CACNA2D3: variants seen among roughly 807,000 people sequenced by gnomAD.
CACNA2D3 encodes the protein voltage-dependent calcium channel subunit alpha-2/delta-3.
Under a neutral mutation model 160.6 loss-of-function variants are expected in CACNA2D3, and 60 were observed. That is an observed-to-expected ratio of 0.37 (90% CI 0.30 to 0.46). The LOEUF is 0.46. CACNA2D3 is among the 20% of genes least tolerant of loss of function. The pLI is 1.00. For synonymous variants in CACNA2D3, 558 were observed against 492.9 expected, an observed-to-expected ratio of 1.13 and a Z score of -1.75; for missense variants, 1,205 against 1,365.0, an observed-to-expected ratio of 0.88 and a Z score of 1.85.
At chr3:54,373,462 T>C (rs1698959782) in intron 3 of CACNA2D3, among the ~76,000 whole-genome samples, 1 of 152,208 alleles carries the variant, frequency 6.6e-6, no homozygotes, top group African/African-American at 2.4e-5. Context: ...GTTTTAAATA[T>C]ATACATTTCA....
In CACNA2D3 at chr3:54,241,577, A is replaced by G. The variant is rs1231609828; in HGVS notation, c.205-78865A>G. ...CTGGAGACCAATTTGGGTATGCCCA[A>G]TTCAAATTGCACGCAAGAGACTTGG... On this transcript the variant is annotated intron_variant, in intron 2 of 37. Coordinates refer to ENST00000474759, the MANE Select transcript of CACNA2D3 (RefSeq NM_018398.3). 2.6e-5 allele frequency among the ~76,000 whole-genome samples: 4 copies of G among 152,220 alleles called. No homozygotes were observed. The South Asian group carries it at 8.3e-4, about 31-fold the overall frequency.
intron 32 of CACNA2D3, among the ~76,000 whole-genome samples, chr3:55,007,159 A>T (rs947844858): frequency 2.0e-5 from 3 of 152,216 alleles, no homozygotes; most frequent in Non-Finnish European, 4.4e-5. Context: ...TTTTAATTAA[A>T]ATATTCTGAA....
intron 10 of CACNA2D3, chr3:54,638,152 T>C (rs1016103676): frequency 2.0e-5 from 3 of 151,990 alleles, no homozygotes; most frequent in Admixed American, 2.0e-4. Context: ...TTTGGAGTTT[T>C]ATTTAATGTC....
intron 35 of CACNA2D3, among the ~76,000 whole-genome samples, chr3:55,042,153 T>A (rs1703972062): frequency 1.3e-5 from 2 of 152,200 alleles, no homozygotes; most frequent in East Asian, 3.8e-4. Context: ...TCTATAAATG[T>A]GAATTAGGTC....
At chr3:54,524,634 G>A (rs1575503030) in intron 5 of CACNA2D3, among the ~76,000 whole-genome samples, 1 of 151,950 alleles carries the variant, frequency 6.6e-6, no homozygotes, top group South Asian at 2.1e-4. Context: ...TTTCATCTCT[G>A]TCAGTTTTTA....
intron 12 of CACNA2D3, among the ~76,000 whole-genome samples, chr3:54,762,817 C>T (rs190032773): frequency 1.3e-5 from 2 of 152,288 alleles, no homozygotes; most frequent in Admixed American, 6.5e-5. Context: ...CCTGGCTGGG[C>T]GTGGTGGCTC....
intron 2 of CACNA2D3, among the ~76,000 whole-genome samples, chr3:54,246,960 G>A (rs1360411347): frequency 6.6e-6 from 1 of 152,144 alleles, no homozygotes. Context: ...GGAAGAATGA[G>A]CAGACTAACA....
At chr3:54,246,560 GCGGC>G (rs1702083170) in intron 2 of CACNA2D3, among the ~76,000 whole-genome samples, 6 of 2,010 alleles carry the variant, frequency 3.0e-3, no homozygotes, top group African/African-American at 0.024. Flanking sequence ...GGGCGTGGTT[GCGGC>G]TGTCTGTAAT....
chr3:54,328,504 A>G (rs1704169330), intron 3 of CACNA2D3, among the ~76,000 whole-genome samples: 2 of 151,612 alleles, frequency 1.3e-5, no homozygotes, highest in South Asian at 2.1e-4. Context: ...CTGGTCTCGA[A>G]CTCCTGACCT....
chr3:54,688,980 A>AG, intron 11 of CACNA2D3, among the ~76,000 whole-genome samples: 1 of 13,280 alleles, frequency 7.5e-5, no homozygotes, highest in Non-Finnish European at 1.4e-4. Context: ...AGACTGTCTC[A>AG]AAAAAAAAAA....
Position 54,750,727 on chromosome 3 carries a change from A to T in CACNA2D3, c.1168-1872A>T, listed in dbSNP as rs543951872. 1.4e-4 allele frequency among the ~76,000 whole-genome samples: 22 copies of T among 151,920 alleles called. No individual in the cohort carries two copies. In the East Asian group the frequency reaches 2.9e-3, roughly 20 times the overall value. ...AGTGAACGGGGGTGCAGCTATATGA[A>T]GGAGGGTCAGTGGTAATCACTTTTG... On this transcript the variant is annotated intron_variant, in intron 11 of 37. Transcript: ENST00000474759.
intron 6 of CACNA2D3, among the ~76,000 whole-genome samples, chr3:54,567,688 A>G (rs973397942): frequency 1.3e-5 from 2 of 152,142 alleles, no homozygotes; most frequent in Non-Finnish European, 1.5e-5. Flanking sequence ...GGCGCCTGCC[A>G]CCACACCTGG....
chr3:54,132,788 A>G (rs1047015992), intron 2 of CACNA2D3, among the ~76,000 whole-genome samples: 1 of 152,176 alleles, frequency 6.6e-6, no homozygotes, highest in African/African-American at 2.4e-5. Context: ...GAGTGACGAC[A>G]ATCTGGGTTT....
At chr3:54,440,440 C>T (rs887560595) in intron 4 of CACNA2D3, among the ~76,000 whole-genome samples, 5 of 151,998 alleles carry the variant, frequency 3.3e-5, no homozygotes, top group Non-Finnish European at 7.4e-5. Context: ...GAATTGCAGA[C>T]TTTTCAAGGG....
chr3:54,918,278 C>A, intron 27 of CACNA2D3: 1 of 635,296 alleles, frequency 1.6e-6, no homozygotes, highest in Non-Finnish European at 2.7e-6. Context: ...TTTTAAAAAT[C>A]GCAACATAAA....
chr3:54,472,241 A>C (rs1040593500), intron 4 of CACNA2D3, among the ~76,000 whole-genome samples: 7 of 152,258 alleles, frequency 4.6e-5, no homozygotes. Flanking sequence ...GGCTGGTTCA[A>C]CATACACAAA....
chr3:54,485,715 C>A (rs1483831989), intron 4 of CACNA2D3, among the ~76,000 whole-genome samples: 3 of 152,140 alleles, frequency 2.0e-5, no homozygotes, highest in Non-Finnish European at 4.4e-5. Flanking sequence ...AGACGTGCAA[C>A]AGCACGCTTA....
intron 12 of CACNA2D3, among the ~76,000 whole-genome samples, chr3:54,762,546 C>T (rs1474343917): frequency 1.3e-5 from 2 of 152,186 alleles, no homozygotes; most frequent in South Asian, 2.1e-4. Context: ...CCTTGTTAAT[C>T]GCTGCTTCTT....
intron 31 of CACNA2D3, among the ~76,000 whole-genome samples, chr3:54,991,296 C>T (rs574286264): frequency 2.0e-5 from 3 of 150,482 alleles, no homozygotes; most frequent in East Asian, 3.9e-4. Context: ...AATCTCAGCT[C>T]ACTGCAACCA....
Sources: gnomAD v4.1 joint callset for allele counts (sites outside exome capture counted in the v4.1 genomes callset) on GRCh38, gnomAD v4.1.1 for gene constraint, MANE v1.5 for transcripts, NCBI Gene and HGNC (gene_info 2026-07-23, HGNC 2026-07-21) for gene names.